EYS: variants seen among roughly 807,000 people sequenced by gnomAD.
EYS encodes protein eyes shut homolog.
In EYS, 250 loss-of-function variants were observed where a neutral mutation model predicts 282.1. The ratio of observed to expected loss-of-function variants is 0.89; its 90% CI spans 0.80 to 0.98. The LOEUF (loss-of-function observed/expected upper bound fraction) is 0.98. Among genes scored for constraint, EYS ranks in the 50% least tolerant of loss-of-function variants. The probability of loss-of-function intolerance (pLI) is 0.00; values close to 1 mark genes in which losing one functional copy is unlikely to be tolerated. For missense variants in EYS, 4,016 were observed against 3,709.0 expected, an observed-to-expected ratio of 1.08 and a Z score of -2.15; for synonymous variants, 1,355 against 1,282.9, an observed-to-expected ratio of 1.06 and a Z score of -1.20.
intron 26 of EYS, among the ~76,000 whole-genome samples, chr6:64,448,018 T>C (rs931809272): frequency 1.3e-5 from 2 of 152,234 alleles, no homozygotes; most frequent in African/African-American, 4.8e-5. Flanking sequence ...TGCAGGACAG[T>C]GGGTGCAGTG....
At chr6:64,172,786 T>C (rs1403605671) in intron 31 of EYS, among the ~76,000 whole-genome samples, 2 of 152,166 alleles carry the variant, frequency 1.3e-5, no homozygotes, top group East Asian at 1.9e-4. Context: ...AATGGTGACA[T>C]TAGATTCTCA....
At chr6:64,623,283 G>A (rs1028936394) in intron 23 of EYS, among the ~76,000 whole-genome samples, 18 of 152,140 alleles carry the variant, frequency 1.2e-4, no homozygotes, top group African/African-American at 4.3e-4. Context: ...TTTATGAGGA[G>A]TTTCTCTTCA....
chr6:65,640,623 TG>T (rs1767245178), intron 1 of EYS, among the ~76,000 whole-genome samples: 1 of 152,164 alleles, frequency 6.6e-6, no homozygotes, highest in Non-Finnish European at 1.5e-5. Context: ...TGTGTTGTTC[TG>T]GGTTTTTATT....
chr6:64,016,216 G>A (rs181120687), intron 33 of EYS, among the ~76,000 whole-genome samples: 146 of 152,168 alleles, frequency 9.6e-4, no homozygotes, highest in Non-Finnish European at 1.3e-3. Context: ...ATCAAATACT[G>A]TATAATGGAA....
At chr6:65,696,145 A>G (rs1582614016) in intron 1 of EYS, among the ~76,000 whole-genome samples, 1 of 151,986 alleles carries the variant, frequency 6.6e-6, no homozygotes, top group Non-Finnish European at 1.5e-5. Context: ...AAAGTTAAAG[A>G]TTCTGTTGTA....
chr6:65,397,904 C>T (rs1459163311), intron 7 of EYS, among the ~76,000 whole-genome samples: 5 of 151,986 alleles, frequency 3.3e-5, no homozygotes, highest in African/African-American at 1.2e-4. Flanking sequence ...CTCTCTGCAT[C>T]CTTGCCAACA....
At chr6:64,959,095 TACTC>T (rs1462394187) in intron 14 of EYS, among the ~76,000 whole-genome samples, 6 of 152,148 alleles carry the variant, frequency 3.9e-5, no homozygotes, top group African/African-American at 1.4e-4. Context: ...GGGATATAAA[TACTC>T]AGTCGTAGTT....
chr6:65,168,877 T>C (rs1277257676), intron 12 of EYS, among the ~76,000 whole-genome samples: 1 of 151,354 alleles, frequency 6.6e-6, no homozygotes, highest in African/African-American at 2.4e-5. Context: ...CAAGCAACTT[T>C]TTCAAAATTG....
chr6:63,751,542 C>A (rs759382567), intron 41 of EYS, among the ~76,000 whole-genome samples: 3 of 152,154 alleles, frequency 2.0e-5, no homozygotes, highest in Non-Finnish European at 4.4e-5. Context: ...AAGAACTTTT[C>A]TTCCATCCTT....
chr6:64,605,184 T>C (rs1372484868), intron 24 of EYS, among the ~76,000 whole-genome samples: 1 of 150,752 alleles, frequency 6.6e-6, no homozygotes, highest in Non-Finnish European at 1.5e-5. Context: ...TGGGATTTTC[T>C]CGACTTTTCA....
intron 22 of EYS, among the ~76,000 whole-genome samples, chr6:64,792,186 T>C (rs1774211992): frequency 6.6e-6 from 1 of 151,868 alleles, no homozygotes; most frequent in South Asian, 2.1e-4. Context: ...TGGCTCCACT[T>C]TTAGATATAC....
chr6:64,091,467 T>A (rs1210726534), intron 31 of EYS, among the ~76,000 whole-genome samples: 1 of 152,166 alleles, frequency 6.6e-6, no homozygotes, highest in East Asian at 1.9e-4. Flanking sequence ...TTCTGTTTTT[T>A]ATTGAGGGTA....
chr6:64,277,119 A>G (rs1010020579), intron 30 of EYS, among the ~76,000 whole-genome samples: 4 of 152,132 alleles, frequency 2.6e-5, no homozygotes, highest in African/African-American at 9.7e-5. Flanking sequence ...CATCTTGTCC[A>G]CAGATAGAGC....
At chr6:64,432,370 G>A (rs1323017456) in intron 28 of EYS, among the ~76,000 whole-genome samples, 1 of 151,804 alleles carries the variant, frequency 6.6e-6, no homozygotes, top group Non-Finnish European at 1.5e-5. Context: ...CCATAGATTA[G>A]GAGGTCAGAA....
chr6:64,620,412 C>G (rs1767408956), intron 23 of EYS, among the ~76,000 whole-genome samples: 2 of 152,156 alleles, frequency 1.3e-5, no homozygotes, highest in Admixed American at 6.6e-5. Context: ...CTAAGACACC[C>G]AGAAATGGTC....
intron 26 of EYS, among the ~76,000 whole-genome samples, chr6:64,514,835 G>C (rs903395196): frequency 6.6e-6 from 1 of 151,766 alleles, no homozygotes; most frequent in African/African-American, 2.4e-5. Flanking sequence ...AAAGAGGTGG[G>C]AGGACCAGAA....
rs1401935335 is a variant in EYS at position 65,611,292 on chromosome 6, T to C, written c.-333+28486A>G. Reference sequence around the variant, plus strand: ...TCAACCTACATAAGTTCATTTTCTGTATAATTGCAATTTAAAACTTTAAGC... The same window carrying C: ...TCAACCTACATAAGTTCATTTTCTGCATAATTGCAATTTAAAACTTTAAGC... On this transcript the variant is annotated intron_variant, in intron 2 of 42. Coordinates refer to ENST00000503581, the MANE Select transcript of EYS (RefSeq NM_001142800.2). Among the ~76,000 whole-genome samples the C allele has an allele frequency of 2.6e-5, 4 of 151,970 alleles. No individual in the cohort carries two copies. The East Asian group carries it at 7.7e-4, about 29-fold the overall frequency.
chr6:64,542,335 T>C lies in EYS; in HGVS notation c.5644+47888A>G, dbSNP rs564054232. 2.3e-4 allele frequency among the ~76,000 whole-genome samples: 35 copies of C among 152,250 alleles called. 1 individual carries two copies. In the South Asian group the frequency reaches 6.6e-3, roughly 29 times the overall value. On this transcript the variant is annotated intron_variant, in intron 26 of 42. Coordinates refer to ENST00000503581, the MANE Select transcript of EYS (RefSeq NM_001142800.2). ...CTGTGTTTCATGCTTACCAATTTATTATTCTGCCTATTTGGAAGTTCTATT... is the reference window on the plus strand; with the variant it reads ...CTGTGTTTCATGCTTACCAATTTATCATTCTGCCTATTTGGAAGTTCTATT...
At chr6:65,295,825 A>G (rs1301465439) in intron 12 of EYS, 38 bp downstream of exon 12, 1 of 1,448,670 alleles carries the variant, frequency 6.9e-7, no homozygotes, top group Non-Finnish European at 9.3e-7. Flanking sequence ...AACATTATTT[A>G]CTAGAAAATT....
Sources: gnomAD v4.1 joint callset for allele counts (sites outside exome capture counted in the v4.1 genomes callset) on GRCh38, gnomAD v4.1.1 for gene constraint, MANE v1.5 for transcripts, NCBI Gene and HGNC (gene_info 2026-07-23, HGNC 2026-07-21) for gene names.